Variants in VWA2 observed in about 807,000 individuals in gnomAD.
The protein encoded by VWA2 is von Willebrand factor A domain containing 2.
In VWA2, 73 loss-of-function variants were observed where a neutral mutation model predicts 70.4. The ratio of observed to expected loss-of-function variants is 1.04; its 90% confidence interval spans 0.86 to 1.26. The LOEUF (loss-of-function observed/expected upper bound fraction) is 1.26, where lower values mean the gene tolerates loss of function less well. VWA2 is among the 50% of genes most tolerant of loss of function. The pLI is 0.00. For synonymous variants in VWA2, 407 were observed against 423.3 expected, an observed-to-expected ratio of 0.96 and a Z score of 0.47; for missense variants, 1,011 against 998.5, an observed-to-expected ratio of 1.01 and a Z score of -0.17.
At chr10:114,250,280 G>A (rs965952563) in intron 2 of VWA2, among the ~76,000 whole-genome samples, 4 of 152,138 alleles carry the variant, frequency 2.6e-5, no homozygotes, top group East Asian at 1.9e-4. Context: ...CATGGCTCAC[G>A]GTTTATGCTT....
rs371015771 is a variant in VWA2, at chr10:114,259,774, G to A, written c.262-1412G>A. 4.6e-5 allele frequency among the ~76,000 whole-genome samples: 7 copies of A among 152,198 alleles called. No individual in the cohort carries two copies. In the East Asian group the frequency reaches 5.8e-4, roughly 13 times the overall value. ...TAAATTCAAGGAAAACCCAGGAAGCGCTCCTTCCCAGAAGCTTCTTCCTGA... is the reference window on the plus strand; with the variant it reads ...TAAATTCAAGGAAAACCCAGGAAGCACTCCTTCCCAGAAGCTTCTTCCTGA... On this transcript the variant is annotated intron_variant, in intron 4 of 13. Transcript: ENST00000392982.
At chr10:114,254,846 C>G (rs1286121326) in intron 3 of VWA2, 69 bp from the exon 4 acceptor site, 1 of 1,580,606 alleles carries the variant, frequency 6.3e-7, no homozygotes, top group Non-Finnish European at 8.6e-7. Context: ...GCTGTTTGTG[C>G]CTTCACTCTG....
intron 5 of VWA2, among the ~76,000 whole-genome samples, chr10:114,271,832 G>A (rs1345006054): frequency 1.3e-5 from 2 of 152,174 alleles, no homozygotes; most frequent in Admixed American, 1.3e-4. Flanking sequence ...GGTTTTCTCT[G>A]TGTGTACTGT....
rs1267184274 is a variant in VWA2, at chr10:114,292,942, G to C, written c.*1705G>C. On this transcript the variant is annotated 3_prime_UTR_variant, in exon 14 of 14. Coordinates refer to ENST00000392982, the MANE Select transcript of VWA2 (RefSeq NM_001272046.2). ...GGCTAGTCTCGAACTTCTGACCTCA[G>C]GTGATCCCCCTGCCTTGGCCTCCCA... Among the ~76,000 whole-genome samples the C allele has an allele frequency of 6.6e-6, 1 of 152,134 alleles. No homozygotes were observed. The highest frequency in any genetic ancestry group is 2.4e-5 in the African/African-American group (1 of 41,436).
chr10:114,289,678 A>G lies in VWA2; in HGVS notation c.2122+189A>G, dbSNP rs1362211096. 7 of 639,038 alleles carry G rather than the reference A, an allele frequency of 1.1e-5. No individual in the cohort carries two copies. The Middle Eastern group carries it at 1.3e-3, about 119-fold the overall frequency. 39.6% of individuals were successfully genotyped at this position (639,038 alleles called of 1,614,324 possible). A position where few individuals can be genotyped will look rare whatever the true frequency, so the allele number is the denominator to read the frequency against. ...AGTAGGCATAACCATCCTATTTGAC[A>G]TTTAAGGTACAGAAAGTTTAACTAA... On this transcript the variant is annotated intron_variant, in intron 12 of 13. Transcript: ENST00000392982.
At chr10:114,249,664 T>A (rs954062117) in intron 2 of VWA2, among the ~76,000 whole-genome samples, 7 of 152,240 alleles carry the variant, frequency 4.6e-5, no homozygotes, top group African/African-American at 1.7e-4. Flanking sequence ...GCAAAGGACG[T>A]GATCTTGTTC....
In VWA2 at chr10:114,241,243, GT is replaced by G. The variant is rs139035684; in HGVS notation, c.-11+1677del. Among the ~76,000 whole-genome samples, 400 of 152,320 alleles carry G rather than the reference GT, an allele frequency of 2.6e-3. 3 individuals carry two copies. Among genetic ancestry groups the G allele is most frequent in the African/African-American group, 9.3e-3 (388 of 41,546 alleles). On this transcript the variant is annotated intron_variant, in intron 1 of 13. Coordinates refer to ENST00000392982, the MANE Select transcript of VWA2 (RefSeq NM_001272046.2). ...ACATCATTATGACCCAAAGTTCACA[GT>G]TTGCCCTGGGGTTTGCTCCTGTTGT...
chr10:114,282,439 G>A, intron 8 of VWA2, 77 bp from the exon 9 acceptor site: 1 of 1,179,058 alleles, frequency 8.5e-7, no homozygotes, highest in Non-Finnish European at 1.3e-6. Context: ...AGCTTTTGGT[G>A]TTGTAAATCA....
At chr10:114,271,578 G>A (rs1179230582) in intron 5 of VWA2, among the ~76,000 whole-genome samples, 1 of 150,216 alleles carries the variant, frequency 6.7e-6, no homozygotes, top group Admixed American at 6.6e-5. Context: ...TGGGCAGGAG[G>A]ACTCATGTCA....
At chr10:114,266,251 C>T (rs1247025953) in intron 5 of VWA2, among the ~76,000 whole-genome samples, 11 of 151,830 alleles carry the variant, frequency 7.2e-5, no homozygotes, top group African/African-American at 1.5e-4. Context: ...GAGCCGAGAT[C>T]GCGCCACTGC....
intron 8 of VWA2, chr10:114,280,869 G>T (rs1373139364): frequency 6.6e-6 from 1 of 152,122 alleles, no homozygotes; most frequent in Non-Finnish European, 1.5e-5. Flanking sequence ...CTCCTAAGTA[G>T]TTGGGACTAC....
intron 1 of VWA2, among the ~76,000 whole-genome samples, chr10:114,244,200 A>T (rs1204637478): frequency 1.3e-5 from 2 of 152,106 alleles, no homozygotes. Context: ...CTGGGGGAGA[A>T]ATTGCCAACG....
At chr10:114,274,989 G>A (rs1345151809) in intron 6 of VWA2, among the ~76,000 whole-genome samples, 3 of 152,264 alleles carry the variant, frequency 2.0e-5, no homozygotes, top group South Asian at 2.1e-4. Flanking sequence ...GGAAGTTTGC[G>A]GTGCACATTG....
intron 6 of VWA2, among the ~76,000 whole-genome samples, chr10:114,273,902 G>A (rs1234455488): frequency 6.6e-6 from 1 of 152,212 alleles, no homozygotes; most frequent in Non-Finnish European, 1.5e-5. Flanking sequence ...GAAAAATAAA[G>A]TAGGGTAAGA....
chr10:114,262,846 C>T (rs1346442329), intron 5 of VWA2, among the ~76,000 whole-genome samples: 6 of 152,170 alleles, frequency 3.9e-5, no homozygotes, highest in Non-Finnish European at 8.8e-5. Flanking sequence ...TACAGTAGTG[C>T]ACATCGGCCT....
intron 5 of VWA2, among the ~76,000 whole-genome samples, chr10:114,262,268 CAT>C (rs1385294804): frequency 3.3e-5 from 5 of 150,622 alleles, no homozygotes; most frequent in South Asian, 2.1e-4. Flanking sequence ...TGTTTATGCT[CAT>C]ATGTTTTTAT....
chr10:114,285,854 T>A, intron 10 of VWA2, 85 bp from the exon 11 acceptor site: 1 of 1,349,016 alleles, frequency 7.4e-7, no homozygotes, highest in Non-Finnish European at 9.9e-7. Context: ...ATCTCCCTCC[T>A]GGGAGATGTT....
rs2038285211 is a variant in VWA2 at position 114,282,518 on chromosome 10, G to C, written c.836G>C (p.Trp279Ser). 6.2e-7 allele frequency: 1 copy of C among 1,613,682 alleles called. No individual in the cohort carries two copies. The highest frequency in any genetic ancestry group is 8.5e-7 in the Non-Finnish European group (1 of 1,179,606). Reference sequence around the variant, plus strand: ...AATTCTGTTTCCTTGGATTGTAGCTGGAAGAGAGTGTTCCTAACCCACCCT... The same window carrying C: ...AATTCTGTTTCCTTGGATTGTAGCTCGAAGAGAGTGTTCCTAACCCACCCT... ...VLAAHCPFYS[W>S]KRVFLTHPAT... The change falls in exon 9 of 14, where the codon TGG becomes TCG. Residue 279 changes from tryptophan to serine, a missense_variant and splice_region_variant. By Grantham distance (177) the Trp-to-Ser change is radical. Coordinates refer to ENST00000392982, the MANE Select transcript of VWA2 (RefSeq NM_001272046.2).
chr10:114,258,114 T>C (rs2037368760), intron 4 of VWA2, among the ~76,000 whole-genome samples: 1 of 152,238 alleles, frequency 6.6e-6, no homozygotes. Context: ...GGTGGACCCC[T>C]TGGCATGCTG....
Sources: allele counts gnomAD v4.1 joint callset (sites outside exome capture counted in the v4.1 genomes callset), GRCh38; gene constraint gnomAD v4.1.1; transcripts MANE v1.5; gene names NCBI Gene and HGNC (gene_info 2026-07-23, HGNC 2026-07-21).